Variants in CDH20 observed in about 807,000 individuals in gnomAD.
CDH20 encodes cadherin-20.
Under a neutral mutation model 74.2 loss-of-function variants are expected in CDH20, and 29 were observed. The ratio of observed to expected loss-of-function variants is 0.39; its 90% confidence interval spans 0.29 to 0.53. The LOEUF is 0.53. Ranked by LOEUF, CDH20 falls within the 20% of genes least tolerant of loss-of-function variation. The pLI, the probability that CDH20 is intolerant of heterozygous loss-of-function variation, is 0.69. For synonymous variants in CDH20, 469 were observed against 405.4 expected (o/e 1.16, Z -1.88); for missense variants, 988 against 1,048.3 (o/e 0.94, Z 0.79).
At chr18:61,423,727 T>C (rs942799419) in intron 1 of CDH20, among the ~76,000 whole-genome samples, 1 of 152,204 alleles carries the variant, frequency 6.6e-6, no homozygotes, top group Admixed American at 6.5e-5. Context: ...TCAAAGCTTT[T>C]TGAACTCATT....
chr18:61,466,498 C>T (rs1020430175), intron 1 of CDH20, among the ~76,000 whole-genome samples: 2 of 152,150 alleles, frequency 1.3e-5, no homozygotes, highest in African/African-American at 2.4e-5. Context: ...TCTTCAAGGG[C>T]CGTCTTGTTA....
At chr18:61,540,972 C>A (rs1285145977) in intron 9 of CDH20, among the ~76,000 whole-genome samples, 2 of 152,176 alleles carry the variant, frequency 1.3e-5, no homozygotes, top group Admixed American at 1.3e-4. Flanking sequence ...CTAAAAGATT[C>A]TTTTCAACAA....
In CDH20 at chr18:61,500,380, C is replaced by T. The variant is rs376416616; in HGVS notation, c.542-3C>T. ...ACAGGTTTCTACCTCTTCTCTTCCCCAGGTACCTCCGTCATCCAAGTGACA... is the reference window on the plus strand; with the variant it reads ...ACAGGTTTCTACCTCTTCTCTTCCCTAGGTACCTCCGTCATCCAAGTGACA... On this transcript the variant is annotated splice_polypyrimidine_tract_variant and splice_region_variant and intron_variant, in intron 3 of 11. Coordinates refer to ENST00000262717, the MANE Select transcript of CDH20 (RefSeq NM_031891.4). The T allele has an allele frequency of 9.9e-6, 16 of 1,611,566 alleles. No individual in the cohort carries two copies. Among genetic ancestry groups the T allele is most frequent in the Admixed American group, 1.7e-5 (1 of 59,916 alleles).
intron 1 of CDH20, among the ~76,000 whole-genome samples, chr18:61,433,788 C>T (rs558653564): frequency 1.2e-4 from 19 of 152,252 alleles, no homozygotes; most frequent in Admixed American, 4.6e-4. Flanking sequence ...TTGCTGTTGT[C>T]ACTGTTTGTG....
chr18:61,401,224 A>C (rs929835128), intron 1 of CDH20, among the ~76,000 whole-genome samples: 11 of 152,242 alleles, frequency 7.2e-5, no homozygotes, highest in African/African-American at 2.7e-4. Flanking sequence ...CATTCTAATA[A>C]GCTTATTCCA....
rs771034659 is a variant in CDH20 at position 61,550,075 on chromosome 18, C to A, written c.1746C>A (p.Pro582=). 6.8e-6 allele frequency: 11 copies of A among 1,614,040 alleles called. No homozygotes were observed. The South Asian group carries it at 8.8e-5, about 13-fold the overall frequency. ...TCCTGATAGCAGATAGCGGGCAGCC[C>A]GTGCTGAGCAGCACAGGCACACTGA... ...LPILIADSGQ[P]VLSSTGTLTI... is the part of the protein sequence containing the mutation. The change falls in exon 11 of 12, where the codon CCC becomes CCA. Residue 582 remains proline (P), a synonymous_variant. Transcript: ENST00000262717.
At chr18:61,411,633 C>CCACACA (rs138526165) in intron 1 of CDH20, among the ~76,000 whole-genome samples, 2,158 of 143,178 alleles carry the variant, frequency 0.015, 29 homozygotes, top group South Asian at 0.025. Context: ...AGATATGTAT[C>CCACACA]CACACACACA....
intron 1 of CDH20, among the ~76,000 whole-genome samples, chr18:61,380,918 T>C (rs1911414255): frequency 6.6e-6 from 1 of 152,240 alleles, no homozygotes; most frequent in African/African-American, 2.4e-5. Flanking sequence ...GCTTCTGATT[T>C]TGAAAAGCAG....
chr18:61,402,155 G>A (rs1394087194), intron 1 of CDH20, among the ~76,000 whole-genome samples: 5 of 152,096 alleles, frequency 3.3e-5, no homozygotes, highest in South Asian at 2.1e-4. Flanking sequence ...ATCAGAAGGC[G>A]CAGCTGGATC....
chr18:61,354,972 T>C (rs778882800), intron 1 of CDH20, among the ~76,000 whole-genome samples: 1 of 152,230 alleles, frequency 6.6e-6, no homozygotes, highest in Non-Finnish European at 1.5e-5. Flanking sequence ...CGTAAAAAAC[T>C]GTGCTTAGGC....
chr18:61,424,893 C>G (rs1216604723), intron 1 of CDH20, among the ~76,000 whole-genome samples: 1 of 152,146 alleles, frequency 6.6e-6, no homozygotes, highest in Non-Finnish European at 1.5e-5. Flanking sequence ...ATTAGCATCT[C>G]AATTTTTTAA....
In CDH20 at chr18:61,528,107, C is replaced by G; in HGVS notation, c.1158C>G (p.Pro386=). 1 of 1,614,126 alleles carries G rather than the reference C, an allele frequency of 6.2e-7. No homozygotes were observed. Among genetic ancestry groups the G allele is most frequent in the Non-Finnish European group, 8.5e-7 (1 of 1,180,022 alleles). The part of the protein sequence containing the change: ...VHISVEDVDE[P]PVFEPGFYFV... ...TCAGTGTGGAAGACGTGGACGAGCC[C>G]CCTGTGTTTGAACCTGGCTTTTACT... The change falls in exon 7 of 12, where the codon CCC becomes CCG. Residue 386 remains proline, a synonymous_variant. Coordinates refer to ENST00000262717, the MANE Select transcript of CDH20 (RefSeq NM_031891.4).
intron 1 of CDH20, among the ~76,000 whole-genome samples, chr18:61,338,051 T>A (rs1909815593): frequency 6.6e-6 from 1 of 152,234 alleles, no homozygotes; most frequent in South Asian, 2.1e-4. Flanking sequence ...AAATATTGTC[T>A]GTTTGCTTAA....
At chr18:61,525,936 T>C (rs1197272117) in intron 6 of CDH20, among the ~76,000 whole-genome samples, 1 of 150,846 alleles carries the variant, frequency 6.6e-6, no homozygotes, top group Non-Finnish European at 1.5e-5. Context: ...TAGCTGGGAT[T>C]ACAGGCACAT....
chr18:61,514,726 C>A (rs1212732815), intron 6 of CDH20, among the ~76,000 whole-genome samples: 51 of 151,394 alleles, frequency 3.4e-4, no homozygotes, highest in African/African-American at 1.2e-3. Context: ...ACAGACAGGA[C>A]CCTCAGCTGC....
intron 1 of CDH20, among the ~76,000 whole-genome samples, chr18:61,450,883 AAC>A (rs1413488846): frequency 6.6e-6 from 1 of 152,062 alleles, no homozygotes; most frequent in Non-Finnish European, 1.5e-5. Flanking sequence ...TGTGTTGGTG[AAC>A]ACTTACATTT....
intron 1 of CDH20, among the ~76,000 whole-genome samples, chr18:61,373,139 GC>G (rs1911100009): frequency 6.6e-6 from 1 of 151,732 alleles, no homozygotes; most frequent in South Asian, 2.1e-4. Flanking sequence ...TACACAGATG[GC>G]ATGTGAATGC....
chr18:61,469,364 TACAC>T (rs35516738), intron 1 of CDH20, among the ~76,000 whole-genome samples: 12,761 of 142,314 alleles, frequency 0.09, 601 homozygotes, highest in Middle Eastern at 0.14. Flanking sequence ...TGAGAATGAA[TACAC>T]ACACACACAC....
intron 1 of CDH20, among the ~76,000 whole-genome samples, chr18:61,440,469 C>T (rs1306773551): frequency 2.0e-5 from 3 of 152,174 alleles, no homozygotes; most frequent in Non-Finnish European, 2.9e-5. Context: ...GACTAATACA[C>T]TCCTTCTGTG....
Sources: allele counts gnomAD v4.1 joint callset (sites outside exome capture counted in the v4.1 genomes callset), GRCh38; gene constraint gnomAD v4.1.1; transcripts MANE v1.5; gene names NCBI Gene and HGNC (gene_info 2026-07-23, HGNC 2026-07-21).